The following STAU1 variants were observed in gnomAD, a reference collection of about 807,000 sequenced individuals.
The protein encoded by STAU1 is staufen double-stranded RNA binding protein 1, also known as double-stranded RNA-binding protein Staufen homolog 1.
In STAU1, 13 loss-of-function variants were observed where a neutral mutation model predicts 62.9. That is an observed-to-expected ratio of 0.21 (90% CI 0.13 to 0.33). The LOEUF (loss-of-function observed/expected upper bound fraction) is 0.33, where lower values mean the gene tolerates loss of function less well. Ranked by LOEUF, STAU1 falls within the 10% of genes least tolerant of loss-of-function variation. The probability of loss-of-function intolerance (pLI) is 1.00; values close to 1 mark genes in which losing one functional copy is unlikely to be tolerated. For missense variants in STAU1, 571 were observed against 712.1 expected (o/e 0.80, Z 2.25); for synonymous variants, 269 against 265.1 (o/e 1.01, Z -0.14).
the STAU1 span, among the ~76,000 whole-genome samples, chr20:49,207,678 C>T: frequency 1.8e-5 from 2 of 110,372 alleles, no homozygotes; most frequent in African/African-American, 3.6e-5. Context: ...ACCACACCTG[C>T]GTAATTTTTT....
At chr20:49,128,304 T>C (rs2092676958) in intron 6 of STAU1, among the ~76,000 whole-genome samples, 1 of 152,120 alleles carries the variant, frequency 6.6e-6, no homozygotes, top group Non-Finnish European at 1.5e-5. Flanking sequence ...ACAGCCCGGG[T>C]ACCAAGTGAG....
chr20:49,174,874 C>G (rs997072641), intron 1 of STAU1, among the ~76,000 whole-genome samples: 4 of 144,944 alleles, frequency 2.8e-5, no homozygotes, highest in African/African-American at 1.0e-4. Flanking sequence ...ACGGAGCTTG[C>G]AGTGAGCAGA....
intron 5 of STAU1, among the ~76,000 whole-genome samples, chr20:49,141,330 T>C (rs1399349042): frequency 6.6e-6 from 1 of 152,224 alleles, no homozygotes; most frequent in Non-Finnish European, 1.5e-5. Flanking sequence ...GGCTCACGCC[T>C]GTAGTCCCAA....
intron 5 of STAU1, among the ~76,000 whole-genome samples, chr20:49,138,503 CT>C (rs1365842570): frequency 1.3e-5 from 2 of 151,796 alleles, no homozygotes; most frequent in Admixed American, 6.6e-5. Flanking sequence ...CCTACACATA[CT>C]TTTTTTTGTT....
chr20:49,159,525 AACAGTTAT>A (rs2093418102), intron 3 of STAU1, among the ~76,000 whole-genome samples: 1 of 152,180 alleles, frequency 6.6e-6, no homozygotes, highest in Non-Finnish European at 1.5e-5. Context: ...GAGGAAATAC[AACAGTTAT>A]AGAAAAATGA....
At chr20:49,133,474 A>G (rs1263372151) in intron 6 of STAU1, among the ~76,000 whole-genome samples, 1 of 152,170 alleles carries the variant, frequency 6.6e-6, no homozygotes, top group African/African-American at 2.4e-5. Flanking sequence ...GGAGAAAAGC[A>G]ACACTTCTCC....
the STAU1 span, among the ~76,000 whole-genome samples, chr20:49,196,443 A>C: frequency 7.9e-6 from 1 of 126,416 alleles, no homozygotes; most frequent in Non-Finnish European, 1.6e-5. Context: ...TCAAAACAAA[A>C]CAAAAAAAAA....
intron 5 of STAU1, among the ~76,000 whole-genome samples, chr20:49,142,224 C>T (rs1226332925): frequency 1.3e-5 from 2 of 151,946 alleles, no homozygotes; most frequent in African/African-American, 4.8e-5. Context: ...GGAGCTGGGA[C>T]TACAGGCACA....
At chr20:49,138,583 C>G (rs948981608) in intron 5 of STAU1, among the ~76,000 whole-genome samples, 1 of 152,122 alleles carries the variant, frequency 6.6e-6, no homozygotes, top group African/African-American at 2.4e-5. Flanking sequence ...CTCACTGCAG[C>G]TTCAAACTCC....
chr20:49,159,729 T>G (rs1266039439), intron 3 of STAU1, among the ~76,000 whole-genome samples: 1 of 151,976 alleles, frequency 6.6e-6, no homozygotes, highest in East Asian at 1.9e-4. Flanking sequence ...TCCAGCTAAT[T>G]TTTGTGTTTC....
chr20:49,136,112 TAAAACA>T (rs112762845), intron 5 of STAU1, among the ~76,000 whole-genome samples, 181 bp from the exon 6 acceptor site: 85 of 151,896 alleles, frequency 5.6e-4, no homozygotes, highest in African/African-American at 1.6e-3. Context: ...ACCTTGTCTC[TAAAACA>T]AAAACAAAAA....
chr20:49,149,131 G>C (rs1252240955), intron 5 of STAU1, among the ~76,000 whole-genome samples: 1 of 152,052 alleles, frequency 6.6e-6, no homozygotes, highest in South Asian at 2.1e-4. Context: ...AGCACCTGTA[G>C]TCCCAGCTAC....
Position 49,166,121 on chromosome 20 carries a change from A to G in STAU1, c.81T>C (p.Leu27=), listed in dbSNP as rs1253654439. ...GSQILNKNQS[L]LSQPLMSIPS... ...GAATACTCATCAAAGGCTGTGAGAG[A>G]AGAGACTGGTTCTTGTTCAGTATTT... The change falls in exon 3 of 14, where the codon CTT becomes CTC. Residue 27 remains leucine, a synonymous_variant. Coordinates refer to ENST00000371856, the MANE Select transcript of STAU1 (RefSeq NM_017453.4). 1.2e-6 allele frequency: 2 copies of G among 1,614,170 alleles called. No homozygotes were observed. Among genetic ancestry groups the G allele is most frequent in the Non-Finnish European group, 8.5e-7 (1 of 1,180,026 alleles).
chr20:49,182,537 A>G (rs1161926246), intron 1 of STAU1, among the ~76,000 whole-genome samples: 2 of 152,202 alleles, frequency 1.3e-5, no homozygotes, highest in Non-Finnish European at 2.9e-5. Flanking sequence ...TAAAATGTTC[A>G]TGACAAAGAG....
At chr20:49,130,155 G>A (rs1447952244) in intron 6 of STAU1, among the ~76,000 whole-genome samples, 1 of 152,076 alleles carries the variant, frequency 6.6e-6, no homozygotes, top group East Asian at 1.9e-4. Flanking sequence ...ACAAACTACT[G>A]AAACACACAA....
chr20:49,150,692 A>G (rs374072676), intron 5 of STAU1, among the ~76,000 whole-genome samples: 6 of 151,822 alleles, frequency 4.0e-5, no homozygotes, highest in South Asian at 2.1e-4. Context: ...GTGACATTCT[A>G]TATCTCCTTC....
intron 7 of STAU1, among the ~76,000 whole-genome samples, chr20:49,123,943 T>C (rs1268822538): frequency 6.6e-6 from 1 of 152,038 alleles, no homozygotes; most frequent in African/African-American, 2.4e-5. Context: ...GGCTCAAAAA[T>C]CCAAAAGAAA....
At chr20:49,149,293 AG>A (rs2093198049) in intron 5 of STAU1, among the ~76,000 whole-genome samples, 1 of 81,556 alleles carries the variant, frequency 1.2e-5, no homozygotes, top group African/African-American at 4.5e-5. Context: ...CACACACACC[AG>A]CAAGAACAAC....
At chr20:49,189,597 G>A (rs943458273), upstream of STAU1, among the ~76,000 whole-genome samples, 1 of 134,310 alleles carries the variant, frequency 7.4e-6, no homozygotes, top group African/African-American at 2.9e-5. Flanking sequence ...TCCAACCTGG[G>A]CAACAGAGTG....
Sources: allele counts gnomAD v4.1 joint callset (sites outside exome capture counted in the v4.1 genomes callset), GRCh38; gene constraint gnomAD v4.1.1; transcripts MANE v1.5; gene names NCBI Gene and HGNC (gene_info 2026-07-23, HGNC 2026-07-21).